Variants in AGPAT3 observed in about 807,000 individuals in gnomAD.
The protein encoded by AGPAT3 is 1-acylglycerol-3-phosphate O-acyltransferase 3, also known as 1-acyl-sn-glycerol-3-phosphate acyltransferase gamma.
Under a neutral mutation model 47.3 loss-of-function variants are expected in AGPAT3, and 5 were observed. That is an observed-to-expected ratio of 0.11 (90% CI 0.06 to 0.22). The LOEUF (loss-of-function observed/expected upper bound fraction) is 0.22. AGPAT3 is among the 10% of genes least tolerant of loss of function. AGPAT3 has a pLI of 1.00. For synonymous variants in AGPAT3, 212 were observed against 208.3 expected (o/e 1.02, Z -0.15); for missense variants, 315 against 493.0 (o/e 0.64, Z 3.42).
intron 8 of AGPAT3, among the ~76,000 whole-genome samples, chr21:43,980,422 C>T (rs567542651): frequency 2.0e-5 from 3 of 152,248 alleles, no homozygotes; most frequent in Admixed American, 1.3e-4. Context: ...TTCCTGCCAG[C>T]CTGTGCCTTT....
chr21:43,907,323 C>T (rs945963730), intron 2 of AGPAT3, among the ~76,000 whole-genome samples: 7 of 151,858 alleles, frequency 4.6e-5, no homozygotes, highest in South Asian at 2.1e-4. Flanking sequence ...GATCTGGGTG[C>T]TGCTGGTCAG....
chr21:43,916,355 A>G (rs1002000435), intron 2 of AGPAT3: 13 of 152,294 alleles, frequency 8.5e-5, no homozygotes, highest in African/African-American at 2.9e-4. Context: ...TCCTGCCTTC[A>G]CATGCTGAGA....
intron 2 of AGPAT3, among the ~76,000 whole-genome samples, chr21:43,909,181 C>T (rs575812139): frequency 6.6e-6 from 1 of 152,390 alleles, no homozygotes; most frequent in Non-Finnish European, 1.5e-5. Context: ...TGGGCCGATC[C>T]TCTGACATCA....
At chr21:43,958,572 G>T (rs901936710) in intron 2 of AGPAT3, among the ~76,000 whole-genome samples, 1 of 151,790 alleles carries the variant, frequency 6.6e-6, no homozygotes, top group South Asian at 2.1e-4. Flanking sequence ...CGTGTGGCGT[G>T]TGTGTGGTTT....
chr21:43,884,208 C>T (rs1284637569), intron 1 of AGPAT3, among the ~76,000 whole-genome samples: 1 of 152,174 alleles, frequency 6.6e-6, no homozygotes, highest in East Asian at 1.9e-4. Context: ...CTCCACCACG[C>T]CCTTTGATCT....
intron 1 of AGPAT3, among the ~76,000 whole-genome samples, chr21:43,869,189 A>G (rs553213541): frequency 2.6e-5 from 4 of 152,354 alleles, no homozygotes; most frequent in South Asian, 4.1e-4. Context: ...AAATTCATCT[A>G]TGCTCAGCTT....
intron 2 of AGPAT3, among the ~76,000 whole-genome samples, chr21:43,941,568 G>A (rs2146371548): frequency 6.6e-6 from 1 of 152,302 alleles, no homozygotes; most frequent in Admixed American, 6.5e-5. Flanking sequence ...CAGAACCTAA[G>A]TGTGGAATTT....
chr21:43,879,330 AGAGT>A (rs2085802122), intron 1 of AGPAT3, among the ~76,000 whole-genome samples: 1 of 146,864 alleles, frequency 6.8e-6, no homozygotes, highest in Non-Finnish European at 1.5e-5. Flanking sequence ...AGCCTACAAC[AGAGT>A]GAGACTCTAT....
chr21:43,961,500 G>GCA (rs2088843353), intron 3 of AGPAT3, among the ~76,000 whole-genome samples: 1 of 107,322 alleles, frequency 9.3e-6, no homozygotes, highest in Non-Finnish European at 2.0e-5. Context: ...CAGTGAACGC[G>GCA]TAGACACTTT....
rs1434182509 is a variant in AGPAT3 at position 43,978,050 on chromosome 21, T to C, written c.772T>C (p.Phe258Leu). ...KYEADMCVRR[F>L]PLEDIPLDEK... ...TGAATCTTCTTCATAAAACAGGAGA[T>C]TTCCTCTGGAAGACATCCCGCTGGA... Residue 258 changes from phenylalanine (F) to leucine (L), a missense_variant, in exon 8 of 10, where the codon TTT becomes CTT. Coordinates refer to ENST00000291572, the MANE Select transcript of AGPAT3 (RefSeq NM_020132.5). 6.2e-7 allele frequency: 1 copy of C among 1,612,600 alleles called. No individual in the cohort carries two copies. Among genetic ancestry groups the C allele is most frequent in the Non-Finnish European group, 8.5e-7 (1 of 1,179,374 alleles).
intron 2 of AGPAT3, among the ~76,000 whole-genome samples, chr21:43,923,228 G>T (rs779409548): frequency 6.6e-5 from 10 of 151,344 alleles, no homozygotes; most frequent in Non-Finnish European, 1.5e-4. Context: ...GAAGTAGGGG[G>T]TGGGGGGAGT....
intron 2 of AGPAT3, among the ~76,000 whole-genome samples, chr21:43,956,901 A>G (rs908734197): frequency 2.0e-5 from 3 of 152,186 alleles, no homozygotes; most frequent in Non-Finnish European, 4.4e-5. Flanking sequence ...CACGTAGCAC[A>G]TTTCTGCAAG....
chr21:43,897,774 G>A (rs1048974653), intron 1 of AGPAT3, among the ~76,000 whole-genome samples: 21 of 152,208 alleles, frequency 1.4e-4, no homozygotes, highest in African/African-American at 4.8e-4. Context: ...TAGCACTTTG[G>A]GAGGCCAAGG....
intron 2 of AGPAT3, among the ~76,000 whole-genome samples, chr21:43,944,500 G>A (rs1284467876): frequency 2.6e-5 from 4 of 152,250 alleles, no homozygotes; most frequent in Admixed American, 6.5e-5. Context: ...GGGAGTCATC[G>A]CGGGGCAGAT....
chr21:43,947,361 C>G (rs117566193), intron 2 of AGPAT3, among the ~76,000 whole-genome samples: 2 of 152,234 alleles, frequency 1.3e-5, no homozygotes, highest in African/African-American at 4.8e-5. Flanking sequence ...AAGCTGCAGT[C>G]AGGAGAGCGT....
At chr21:43,959,576 T>C in intron 2 of AGPAT3, 58 bp from the exon 3 acceptor site, 1 of 1,516,558 alleles carries the variant, frequency 6.6e-7, no homozygotes, top group Non-Finnish European at 9.0e-7. Flanking sequence ...TGCCCCGGTG[T>C]TCCTGTGAGG....
intron 2 of AGPAT3, among the ~76,000 whole-genome samples, chr21:43,953,110 G>A (rs990333907): frequency 6.6e-6 from 1 of 152,210 alleles, no homozygotes; most frequent in African/African-American, 2.4e-5. Context: ...GTGAGGAAAC[G>A]GACAAATCCA....
intron 7 of AGPAT3, among the ~76,000 whole-genome samples, chr21:43,976,643 A>G (rs2089633622): frequency 6.6e-6 from 1 of 152,254 alleles, no homozygotes; most frequent in African/African-American, 2.4e-5. Flanking sequence ...TTGTTCTTAT[A>G]TCAGTGTTTT....
Position 43,984,972 on chromosome 21 carries a change from G to A in AGPAT3, c.*2580G>A. The A allele has an allele frequency of 2.6e-6, 1 of 383,396 alleles. No individual in the cohort carries two copies. The highest frequency in any genetic ancestry group is 1.9e-5 in the South Asian group (1 of 52,282). The allele number at this position is 383,396 out of a possible 1,614,324, so 23.7% of individuals were successfully genotyped here. A position where few individuals can be genotyped will look rare whatever the true frequency, so the allele number is the denominator to read the frequency against. On this transcript the variant is annotated 3_prime_UTR_variant, in exon 10 of 10. Transcript: ENST00000291572. ...CTGATGCCCTCTGCACCCAGTCCTTGAGCCAGGCCGAGGACAGGAAGGGCA... is the reference window on the plus strand; with the variant it reads ...CTGATGCCCTCTGCACCCAGTCCTTAAGCCAGGCCGAGGACAGGAAGGGCA...
Sources: gnomAD v4.1 joint callset for allele counts (sites outside exome capture counted in the v4.1 genomes callset) on GRCh38, gnomAD v4.1.1 for gene constraint, MANE v1.5 for transcripts, NCBI Gene and HGNC (gene_info 2026-07-23, HGNC 2026-07-21) for gene names.